Variants in PCSK2 observed in about 807,000 individuals in gnomAD.
The protein encoded by PCSK2 is neuroendocrine convertase 2.
PCSK2 carries 14 observed loss-of-function variants against 69.7 expected under a neutral mutation model. The observed-to-expected ratio is 0.20, with a 90% CI of 0.13 to 0.31. The LOEUF (loss-of-function observed/expected upper bound fraction) is 0.31, where lower values mean the gene tolerates loss of function less well. Ranked by LOEUF, PCSK2 falls within the 10% of genes least tolerant of loss-of-function variation. PCSK2 has a pLI of 1.00. For synonymous variants in PCSK2, 307 were observed against 320.7 expected (o/e 0.96, Z 0.46); for missense variants, 544 against 842.5 (o/e 0.65, Z 4.39).
At chr20:17,307,990 G>A (rs373115083) in intron 2 of PCSK2, among the ~76,000 whole-genome samples, 24 of 152,174 alleles carry the variant, frequency 1.6e-4, no homozygotes, top group African/African-American at 5.8e-4. Context: ...CATCTTCCAT[G>A]GCAGGAGCAG....
At chr20:17,312,780 C>A (rs1343066403) in intron 2 of PCSK2, among the ~76,000 whole-genome samples, 1 of 152,002 alleles carries the variant, frequency 6.6e-6, no homozygotes, top group African/African-American at 2.4e-5. Flanking sequence ...GTATGGCCAC[C>A]AAGTTAGCCC....
chr20:17,284,469 G>T (rs1435553855), intron 2 of PCSK2, among the ~76,000 whole-genome samples: 5 of 152,168 alleles, frequency 3.3e-5, no homozygotes, highest in Non-Finnish European at 7.3e-5. Context: ...TCCTTGTGAG[G>T]GAGAGCAGAC....
chr20:17,410,791 G>A (rs994031353), intron 6 of PCSK2, among the ~76,000 whole-genome samples: 11 of 152,228 alleles, frequency 7.2e-5, no homozygotes, highest in African/African-American at 2.7e-4. Context: ...TTAAGCTGGG[G>A]TTTAGACAGA....
intron 2 of PCSK2, among the ~76,000 whole-genome samples, chr20:17,332,249 C>T (rs539341087): frequency 2.6e-5 from 4 of 152,172 alleles, no homozygotes; most frequent in South Asian, 2.1e-4. Context: ...CCAAGGGTTG[C>T]GTTAAAGTTT....
At chr20:17,232,753 C>T (rs1190371538) in intron 1 of PCSK2, among the ~76,000 whole-genome samples, 2 of 152,016 alleles carry the variant, frequency 1.3e-5, no homozygotes, top group Non-Finnish European at 2.9e-5. Context: ...ATCCCCTATC[C>T]CAAAGTTCTT....
chr20:17,245,246 A>G (rs1222445135), intron 1 of PCSK2, among the ~76,000 whole-genome samples: 1 of 152,242 alleles, frequency 6.6e-6, no homozygotes, highest in African/African-American at 2.4e-5. Context: ...CTTTAAAAAA[A>G]TGGAAATTAC....
intron 1 of PCSK2, among the ~76,000 whole-genome samples, chr20:17,242,263 T>G (rs1406499248): frequency 6.6e-6 from 1 of 152,248 alleles, no homozygotes; most frequent in Non-Finnish European, 1.5e-5. Context: ...TACAGCCAAG[T>G]GTACTGAGTG....
intron 8 of PCSK2, among the ~76,000 whole-genome samples, chr20:17,437,733 A>G (rs746746511): frequency 1.7e-4 from 26 of 152,216 alleles, no homozygotes; most frequent in Non-Finnish European, 2.5e-4. Flanking sequence ...ATAGCACAGA[A>G]CACAACTCCT....
intron 6 of PCSK2, among the ~76,000 whole-genome samples, chr20:17,419,665 C>T (rs1483448906): frequency 6.6e-6 from 1 of 152,202 alleles, no homozygotes; most frequent in African/African-American, 2.4e-5. Context: ...TGACATCTGT[C>T]CATTGTCAAG....
chr20:17,343,700 C>T (rs944596940), intron 2 of PCSK2, among the ~76,000 whole-genome samples: 6 of 152,140 alleles, frequency 3.9e-5, no homozygotes, highest in Admixed American at 3.3e-4. Flanking sequence ...AATGTAATCA[C>T]GAGTATCCTT....
chr20:17,433,053 G>A (rs2032401373), intron 7 of PCSK2, among the ~76,000 whole-genome samples: 1 of 152,180 alleles, frequency 6.6e-6, no homozygotes, highest in East Asian at 1.9e-4. Context: ...CCCTAAGAGG[G>A]GGCCAGGCCA....
At chr20:17,297,319 T>G (rs1462717807) in intron 2 of PCSK2, among the ~76,000 whole-genome samples, 1 of 152,188 alleles carries the variant, frequency 6.6e-6, no homozygotes, top group African/African-American at 2.4e-5. Context: ...AAGAGGGAAG[T>G]GAGAAGATCT....
chr20:17,472,888 A>T (rs2033227193), intron 11 of PCSK2, among the ~76,000 whole-genome samples: 1 of 152,144 alleles, frequency 6.6e-6, no homozygotes, highest in Non-Finnish European at 1.5e-5. Context: ...ACAGTTGAAG[A>T]TTCATAACAC....
intron 1 of PCSK2, among the ~76,000 whole-genome samples, chr20:17,235,934 C>T (rs8122438): frequency 6.6e-6 from 1 of 151,788 alleles, no homozygotes; most frequent in African/African-American, 2.4e-5. Flanking sequence ...AGTTAGGAAC[C>T]CTGATAATAT....
intron 2 of PCSK2, among the ~76,000 whole-genome samples, chr20:17,267,307 C>T (rs536011692): frequency 1.3e-5 from 2 of 152,298 alleles, no homozygotes; most frequent in East Asian, 1.9e-4. Flanking sequence ...AAGAGGTCAG[C>T]GGGTGTAAAC....
In PCSK2 at chr20:17,227,367, T is replaced by C. The variant is rs778085160; in HGVS notation, c.62T>C (p.Val21Ala). ...AAAGFLFCVM[V>A]FASAERPVFT... is the part of the protein sequence containing the mutation. ...GCCGGGTTCCTCTTCTGTGTCATGG[T>C]TTTTGCATCTGCTGAGCGACCGGTC... Residue 21 changes from valine to alanine, a missense_variant, in exon 1 of 12, where the codon GTT (valine) becomes GCT (alanine). Val to Ala is a moderately conservative substitution (Grantham distance 64). Coordinates refer to ENST00000262545, the MANE Select transcript of PCSK2 (RefSeq NM_002594.5). 1 of 1,613,558 alleles carries C rather than the reference T, an allele frequency of 6.2e-7. No homozygotes were observed. Among genetic ancestry groups the C allele is most frequent in the Non-Finnish European group, 8.5e-7 (1 of 1,179,572 alleles).
chr20:17,407,560 A>C (rs1300357750), intron 5 of PCSK2, among the ~76,000 whole-genome samples: 1 of 148,618 alleles, frequency 6.7e-6, no homozygotes, highest in Non-Finnish European at 1.5e-5. Context: ...ACAAGTTACT[A>C]TTTCAAAATA....
Position 17,227,350 on chromosome 20 carries a change from C to T in PCSK2, c.45C>T (p.Phe15=). 1.9e-6 allele frequency: 3 copies of T among 1,614,006 alleles called. No homozygotes were observed. Among genetic ancestry groups the T allele is most frequent in the Non-Finnish European group, 2.5e-6 (3 of 1,179,972 alleles). ...CVSQWKAAAG[F]LFCVMVFASA... ...CCCAGTGGAAGGCGGCCGCCGGGTT[C>T]CTCTTCTGTGTCATGGTTTTTGCAT... The change falls in exon 1 of 12, where the codon TTC becomes TTT. Residue 15 remains phenylalanine, a synonymous_variant. Transcript: ENST00000262545.
chr20:17,268,357 G>A (rs1987717729), intron 2 of PCSK2, among the ~76,000 whole-genome samples: 1 of 152,114 alleles, frequency 6.6e-6, no homozygotes, highest in African/African-American at 2.4e-5. Context: ...CTATGAGAAT[G>A]AGTAGAGCAG....
Sources: allele counts gnomAD v4.1 joint callset (sites outside exome capture counted in the v4.1 genomes callset), GRCh38; gene constraint gnomAD v4.1.1; transcripts MANE v1.5; gene names NCBI Gene and HGNC (gene_info 2026-07-23, HGNC 2026-07-21).